Variants in NELL1 observed in about 807,000 individuals in gnomAD.
NELL1 encodes the protein protein kinase C-binding protein NELL1.
Under a neutral mutation model 107.4 loss-of-function variants are expected in NELL1, and 76 were observed. The observed-to-expected ratio is 0.71, with a 90% CI of 0.59 to 0.86. NELL1 has a LOEUF of 0.86. NELL1 is among the 40% of genes least tolerant of loss of function. NELL1 has a pLI of 0.00. For synonymous variants in NELL1, 353 were observed against 341.2 expected, an observed-to-expected ratio of 1.03 and a Z score of -0.38; for missense variants, 1,024 against 1,005.5, an observed-to-expected ratio of 1.02 and a Z score of -0.25.
chr11:21,406,856 T>A (rs564143872), intron 15 of NELL1, among the ~76,000 whole-genome samples: 2 of 152,162 alleles, frequency 1.3e-5, no homozygotes, highest in Non-Finnish European at 2.9e-5. Flanking sequence ...CTAGTTATTT[T>A]GAAATATACA....
At chr11:20,745,301 C>G (rs1052425916) in intron 2 of NELL1, among the ~76,000 whole-genome samples, 2 of 152,202 alleles carry the variant, frequency 1.3e-5, no homozygotes, top group African/African-American at 4.8e-5. Flanking sequence ...ACACATTGAT[C>G]CAAGTATGTA....
chr11:20,863,926 T>C (rs1254958472), intron 4 of NELL1, among the ~76,000 whole-genome samples: 1 of 152,046 alleles, frequency 6.6e-6, no homozygotes, highest in South Asian at 2.1e-4. Context: ...GCCAACACAG[T>C]GAAACCCCGT....
At chr11:21,087,544 T>C (rs182708381) in intron 12 of NELL1, among the ~76,000 whole-genome samples, 1 of 152,342 alleles carries the variant, frequency 6.6e-6, no homozygotes, top group East Asian at 1.9e-4. Flanking sequence ...CAGTAAGAAC[T>C]TCTTTGCTTT....
At chr11:20,727,416 T>C (rs1027632998) in intron 2 of NELL1, among the ~76,000 whole-genome samples, 3 of 152,244 alleles carry the variant, frequency 2.0e-5, no homozygotes, top group Admixed American at 6.5e-5. Context: ...TGTCTGTTCA[T>C]ATACTTTGCC....
intron 1 of NELL1, among the ~76,000 whole-genome samples, chr11:20,671,665 A>G (rs957205665): frequency 6.6e-6 from 1 of 152,194 alleles, no homozygotes; most frequent in Non-Finnish European, 1.5e-5. Context: ...GCTGGGTGCC[A>G]GGATTTCTTA....
intron 5 of NELL1, among the ~76,000 whole-genome samples, chr11:20,911,078 A>C (rs1041764775): frequency 6.6e-6 from 1 of 152,180 alleles, no homozygotes; most frequent in African/African-American, 2.4e-5. Flanking sequence ...TATGATTAAG[A>C]GAGAGAGAAC....
chr11:20,670,978 T>G (rs1318061177), intron 1 of NELL1, among the ~76,000 whole-genome samples: 1 of 152,260 alleles, frequency 6.6e-6, no homozygotes, highest in Non-Finnish European at 1.5e-5. Context: ...GCGCCCCTCT[T>G]TGGCAGTTAG....
At chr11:21,485,510 G>A (rs1031671688) in intron 15 of NELL1, among the ~76,000 whole-genome samples, 2 of 151,878 alleles carry the variant, frequency 1.3e-5, no homozygotes, top group African/African-American at 4.8e-5. Context: ...TGCCAGACCA[G>A]GAAGGGAGAA....
chr11:21,061,733 G>T (rs1853746857), intron 12 of NELL1, among the ~76,000 whole-genome samples: 1 of 152,166 alleles, frequency 6.6e-6, no homozygotes, highest in African/African-American at 2.4e-5. Flanking sequence ...CGGTGGTAGA[G>T]AAGCAAAAGT....
chr11:21,211,830 G>A (rs540180028), intron 13 of NELL1, among the ~76,000 whole-genome samples: 3 of 151,820 alleles, frequency 2.0e-5, no homozygotes, highest in African/African-American at 7.3e-5. Flanking sequence ...TGTTTGTTTG[G>A]TTTTTTTGTT....
intron 12 of NELL1, among the ~76,000 whole-genome samples, chr11:21,057,723 A>T (rs1853645139): frequency 6.6e-6 from 1 of 151,986 alleles, no homozygotes; most frequent in Non-Finnish European, 1.5e-5. Flanking sequence ...ATTTTAAAAA[A>T]TTATACCAGT....
Position 20,684,368 on chromosome 11 carries a change from C to T in NELL1, c.184+6308C>T, listed in dbSNP as rs565299324. Among the ~76,000 whole-genome samples, 97 of 151,996 alleles carry T rather than the reference C, an allele frequency of 6.4e-4. 1 individual carries two copies. The highest frequency in any genetic ancestry group is 9.1e-4 in the Non-Finnish European group (62 of 67,946). On this transcript the variant is annotated intron_variant, in intron 2 of 19. Transcript: ENST00000357134. ...TTCCATTGTTATGCCTTCAAGGTTA[C>T]GAAACTTCTGTATTATCTGTCATTA...
intron 5 of NELL1, among the ~76,000 whole-genome samples, chr11:20,916,348 A>G (rs996442557): frequency 2.0e-5 from 3 of 152,030 alleles, no homozygotes; most frequent in African/African-American, 7.2e-5. Flanking sequence ...TTTGTAAATC[A>G]TAATGTCACT....
chr11:21,475,880 G>C (rs2133892448), intron 15 of NELL1, among the ~76,000 whole-genome samples: 1 of 152,270 alleles, frequency 6.6e-6, no homozygotes, highest in African/African-American at 2.4e-5. Context: ...ATAGAAGCCA[G>C]GATTCAGTGA....
intron 13 of NELL1, among the ~76,000 whole-genome samples, chr11:21,127,260 A>T (rs1321562325): frequency 1.3e-5 from 2 of 152,184 alleles, no homozygotes; most frequent in Admixed American, 6.5e-5. Context: ...TTATAAAAAT[A>T]GTATATTAAT....
At chr11:20,863,529 C>T (rs1404702007) in intron 4 of NELL1, among the ~76,000 whole-genome samples, 2 of 150,054 alleles carry the variant, frequency 1.3e-5, no homozygotes, top group Non-Finnish European at 3.0e-5. Flanking sequence ...GGCAGAGGTG[C>T]TCCTCACATC....
intron 2 of NELL1, among the ~76,000 whole-genome samples, chr11:20,679,505 T>C (rs1854140433): frequency 6.6e-6 from 1 of 152,232 alleles, no homozygotes; most frequent in South Asian, 2.1e-4. Context: ...TATGTAATTA[T>C]ATGTAACAAG....
At chr11:21,342,181 G>T (rs1006968094) in intron 14 of NELL1, among the ~76,000 whole-genome samples, 3 of 152,090 alleles carry the variant, frequency 2.0e-5, no homozygotes, top group African/African-American at 7.2e-5. Flanking sequence ...GATCCAGGAA[G>T]GATAATTTTT....
chr11:21,277,801 A>G (rs1417146861), intron 14 of NELL1, among the ~76,000 whole-genome samples: 1 of 151,256 alleles, frequency 6.6e-6, no homozygotes, highest in Non-Finnish European at 1.5e-5. Flanking sequence ...TTGCAAGGAC[A>G]AAAAACCAAA....
Sources: allele counts gnomAD v4.1 joint callset (sites outside exome capture counted in the v4.1 genomes callset), GRCh38; gene constraint gnomAD v4.1.1; transcripts MANE v1.5; gene names NCBI Gene and HGNC (gene_info 2026-07-23, HGNC 2026-07-21).